ZNF35: variants seen among roughly 807,000 people sequenced by gnomAD.
ZNF35 encodes zinc finger protein 35.
In ZNF35, 31 loss-of-function variants were observed where a neutral mutation model predicts 45.9. The ratio of observed to expected loss-of-function variants is 0.68; its 90% CI spans 0.51 to 0.91. The LOEUF is 0.91. Ranked by LOEUF, ZNF35 falls within the 40% of genes least tolerant of loss-of-function variation. The pLI, the probability that ZNF35 is intolerant of heterozygous loss-of-function variation, is 0.00. For missense variants in ZNF35, 515 were observed against 625.4 expected (o/e 0.82, Z 1.88); for synonymous variants, 205 against 220.2 (o/e 0.93, Z 0.61).
intron 3 of ZNF35, among the ~76,000 whole-genome samples, chr3:44,654,427 T>C (rs1307357127): frequency 6.6e-6 from 1 of 152,196 alleles, no homozygotes; most frequent in East Asian, 1.9e-4. Flanking sequence ...GTTCTACAAA[T>C]TGGGTGTGTT....
In ZNF35 at chr3:44,659,806, G is replaced by C. The variant is rs746307092; in HGVS notation, c.1443G>C (p.Lys481Asn). Residue 481 changes from lysine to asparagine, a missense_variant, in exon 4 of 4, where the codon AAG becomes AAC. By Grantham distance (94) the Lys-to-Asn change is moderately conservative (BLOSUM62 0). This residue lies in a region of ZNF35 where 232 missense variants were observed against 304.6 expected (regional missense o/e 0.76). Coordinates refer to ENST00000396056, the MANE Select transcript of ZNF35 (RefSeq NM_003420.4). The surrounding 1 kb of genome is among the most constrained non-coding windows in gnomAD (Gnocchi z 4.3). ...EKPYTCNECGKAFRQRSSLTV... is the reference protein window; with the variant it reads ...EKPYTCNECGNAFRQRSSLTV... ...CTTACACATGTAATGAGTGTGGGAA[G>C]GCCTTCAGACAGAGGTCGAGCCTCA... 1.2e-6 allele frequency: 2 copies of C among 1,611,922 alleles called. No homozygotes were observed. The highest frequency in any genetic ancestry group is 1.7e-5 in the Admixed American group (1 of 59,762).
intron 1 of ZNF35, among the ~76,000 whole-genome samples, chr3:44,650,232 ATC>A (rs1703167235): frequency 6.6e-6 from 1 of 152,170 alleles, no homozygotes; most frequent in Non-Finnish European, 1.5e-5. Context: ...CATGAAAGTA[ATC>A]TTTTTTTAAA....
upstream of ZNF35, chr3:44,646,626 G>A: frequency 1.3e-6 from 1 of 748,742 alleles, no homozygotes. Flanking sequence ...AGAGAGGGGA[G>A]TGAAAATTGT....
At position 44,658,777 on chromosome 3, in the gene ZNF35, A is replaced by G; in HGVS notation, c.414A>G (p.Ile138Met). Residue 138 changes from isoleucine (I) to methionine (M), a missense_variant, in exon 4 of 4, where the codon ATA becomes ATG. Ile to Met is a conservative substitution (Grantham distance 10). Transcript: ENST00000396056. ...ICEEAEKPLI[I>M]SERIQKADPQ... The stretch of plus-strand genomic sequence containing the variant: ...AGGAAGCTGAAAAACCCCTCATCAT[A>G]TCAGAAAGAATCCAGAAAGCTGATC... The G allele has an allele frequency of 7.5e-6, 12 of 1,607,700 alleles. No homozygotes were observed. Among genetic ancestry groups the G allele is most frequent in the Non-Finnish European group, 1.0e-5 (12 of 1,178,614 alleles).
Position 44,658,868 on chromosome 3 carries a change from A to G in ZNF35, c.505A>G (p.Arg169Gly), listed in dbSNP as rs1038848207. 1.2e-5 allele frequency: 20 copies of G among 1,612,854 alleles called. No individual in the cohort carries two copies. Among genetic ancestry groups the G allele is most frequent in the Admixed American group, 1.7e-5 (1 of 59,702 alleles). Residue 169 changes from arginine (R) to glycine (G), a missense_variant, in exon 4 of 4, where the codon AGA becomes GGA. Physicochemically the swap from Arg to Gly is moderately radical, Grantham distance 125 (BLOSUM62 -2). Transcript: ENST00000396056. ...CATGTTAAAGAGGCAGAGAATAAAG[A>G]GAGAAAAGAAAGATTTCAGACAAGT... Reference protein sequence around the residue: ...GNMLKRQRIKREKKDFRQVIV... With the variant: ...GNMLKRQRIKGEKKDFRQVIV...
At chr3:44,646,741 G>C (rs549629942), upstream of ZNF35, 5 of 486,228 alleles carry the variant, frequency 1.0e-5, no homozygotes, top group Middle Eastern at 5.4e-4. Flanking sequence ...GAGGAGGCTT[G>C]TTTTTAAAAG....
At chr3:44,649,116 G>A (rs1403850471) in intron 1 of ZNF35, among the ~76,000 whole-genome samples, 2 of 152,242 alleles carry the variant, frequency 1.3e-5, no homozygotes, top group African/African-American at 2.4e-5. Flanking sequence ...GGATTGCCAC[G>A]TTTGGAAATA....
At chr3:44,656,885 C>T (rs150208351) in intron 3 of ZNF35, among the ~76,000 whole-genome samples, 185 of 151,794 alleles carry the variant, frequency 1.2e-3, no homozygotes, top group African/African-American at 4.2e-3. Flanking sequence ...TTAGTAGAGA[C>T]GGGGTTTCAC....
rs140633689 is a variant in ZNF35 at position 44,659,069 on chromosome 3, A to G, written c.706A>G (p.Asn236Asp). 1 of 1,614,054 alleles carries G rather than the reference A, an allele frequency of 6.2e-7. No individual in the cohort carries two copies. Among genetic ancestry groups the G allele is most frequent in the Non-Finnish European group, 8.5e-7 (1 of 1,180,042 alleles). ...TGGGAAAGGATTTAGTCAGAGTGCA[A>G]ACCTCGTTGTGCATCAGCGAATCCA... ...VCGKGFSQSANLVVHQRIHTG... is the reference protein window; with the variant it reads ...VCGKGFSQSADLVVHQRIHTG... The change falls in exon 4 of 4, where the codon AAC (asparagine) becomes GAC (aspartate). Residue 236 changes from asparagine to aspartate, a missense_variant. Physicochemically the swap from Asn to Asp is conservative, Grantham distance 23. Coordinates refer to ENST00000396056, the MANE Select transcript of ZNF35 (RefSeq NM_003420.4). The surrounding 1 kb of genome is among the most constrained non-coding windows in gnomAD (Gnocchi z 4.3).
intron 2 of ZNF35, among the ~76,000 whole-genome samples, chr3:44,651,794 C>G (rs1006036428): frequency 1.3e-5 from 2 of 150,428 alleles, no homozygotes; most frequent in African/African-American, 2.5e-5. Context: ...ATTCATGCCA[C>G]TGCACTCTAG....
chr3:44,659,515 T>G lies in ZNF35; in HGVS notation c.1152T>G (p.His384Gln). 1 of 1,613,856 alleles carries G rather than the reference T, an allele frequency of 6.2e-7. No homozygotes were observed. Among genetic ancestry groups the G allele is most frequent in the Non-Finnish European group, 8.5e-7 (1 of 1,179,968 alleles). ...SANLIVHQRSHTGEKPYECKE... is the reference protein window; with the variant it reads ...SANLIVHQRSQTGEKPYECKE... ...ATCTTATTGTACATCAGCGAAGCCA[T>G]ACTGGTGAGAAGCCATATGAGTGTA... is the stretch of plus-strand genomic sequence containing the variant. The change falls in exon 4 of 4, where the codon CAT becomes CAG. Residue 384 changes from histidine (H) to glutamine (Q), a missense_variant. His to Gln is a conservative substitution (Grantham distance 24). Around this residue, in one of 3 missense-constraint regions of ZNF35, gnomAD observed 232 missense variants for 304.6 expected, o/e 0.76. Coordinates refer to ENST00000396056, the MANE Select transcript of ZNF35 (RefSeq NM_003420.4). The surrounding 1 kb of genome is among the most constrained non-coding windows in gnomAD (Gnocchi z 4.3).
upstream of ZNF35, chr3:44,647,956 C>A (rs2125833300): frequency 6.6e-6 from 1 of 152,134 alleles, no homozygotes. Flanking sequence ...ATGTTGATTT[C>A]CTTTTTCATT....
rs559236435 is a variant in ZNF35 at position 44,649,243 on chromosome 3, C to T, written c.-128+409C>T. ...AGTACTCACTGTAGGCAGTCTTATA[C>T]ACAAGGTGGAACTAGTCTTAAGGAC... On this transcript the variant is annotated intron_variant, in intron 1 of 3. Coordinates refer to ENST00000396056, the MANE Select transcript of ZNF35 (RefSeq NM_003420.4). Among the ~76,000 whole-genome samples the T allele has an allele frequency of 1.3e-3, 200 of 152,320 alleles. 1 individual carries two copies. The highest frequency in any genetic ancestry group is 2.4e-3 in the Non-Finnish European group (163 of 68,026).
At position 44,659,796 on chromosome 3, in the gene ZNF35, A is replaced by C. The variant is rs1458523625; in HGVS notation, c.1433A>C (p.Glu478Ala). The change falls in exon 4 of 4, where the codon GAG becomes GCG. Residue 478 changes from glutamate (E) to alanine (A), a missense_variant. By Grantham distance (107) the Glu-to-Ala change is moderately radical (BLOSUM62 -1). This residue lies in a region of ZNF35 where 232 missense variants were observed against 304.6 expected (regional missense o/e 0.76). Coordinates refer to ENST00000396056, the MANE Select transcript of ZNF35 (RefSeq NM_003420.4). The surrounding 1 kb of genome is among the most constrained non-coding windows in gnomAD (Gnocchi z 4.3). ...GGAGAAAAACCTTACACATGTAATG[A>C]GTGTGGGAAGGCCTTCAGACAGAGG... ...HNGEKPYTCN[E>A]CGKAFRQRSS... 1 of 1,613,920 alleles carries C rather than the reference A, an allele frequency of 6.2e-7. No individual in the cohort carries two copies. Among genetic ancestry groups the C allele is most frequent in the Non-Finnish European group, 8.5e-7 (1 of 1,180,008 alleles).
At chr3:44,652,966 G>A (rs1169047585) in intron 3 of ZNF35, among the ~76,000 whole-genome samples, 1 of 152,152 alleles carries the variant, frequency 6.6e-6, no homozygotes, top group Non-Finnish European at 1.5e-5. Context: ...AGGTTCAAGA[G>A]GCTGAAGAAG....
chr3:44,646,534 A>T, upstream of ZNF35: 1 of 1,373,462 alleles, frequency 7.3e-7, no homozygotes, highest in South Asian at 1.2e-5. Flanking sequence ...AAAAGACACC[A>T]CGAGAAACAG....
At chr3:44,647,215 A>G (rs1428952273), upstream of ZNF35, 1 of 152,216 alleles carries the variant, frequency 6.6e-6, no homozygotes, top group African/African-American at 2.4e-5. Context: ...AAATGAAAAG[A>G]TGTTCAACAT....
At chr3:44,652,120 C>T (rs1703215067) in intron 2 of ZNF35, among the ~76,000 whole-genome samples, 1 of 152,274 alleles carries the variant, frequency 6.6e-6, no homozygotes, top group Non-Finnish European at 1.5e-5. Flanking sequence ...ATTCATGAGG[C>T]TGTACACTGT....
intron 1 of ZNF35, among the ~76,000 whole-genome samples, chr3:44,649,074 A>G (rs1002850018): frequency 6.6e-6 from 1 of 152,222 alleles, no homozygotes; most frequent in Non-Finnish European, 1.5e-5. Flanking sequence ...TCCCAGGGAC[A>G]GGGCCGCGAG....
Sources: allele counts gnomAD v4.1 joint callset (sites outside exome capture counted in the v4.1 genomes callset), GRCh38; gene constraint gnomAD v4.1.1; regional missense constraint gnomAD v4.1.1; non-coding constraint Gnocchi (gnomAD v3.1); transcripts MANE v1.5; gene names NCBI Gene and HGNC (gene_info 2026-07-23, HGNC 2026-07-21).